The following SLC39A14 variants were observed in gnomAD, a reference collection of about 807,000 sequenced individuals.
SLC39A14 encodes metal cation symporter ZIP14.
Under a neutral mutation model 45.5 loss-of-function variants are expected in SLC39A14, and 19 were observed. The observed-to-expected ratio is 0.42, with a 90% confidence interval of 0.29 to 0.61. The LOEUF (loss-of-function observed/expected upper bound fraction) is 0.61, where lower values mean the gene tolerates loss of function less well. SLC39A14 is among the 20% of genes least tolerant of loss of function. The pLI, the probability that SLC39A14 is intolerant of heterozygous loss-of-function variation, is 0.22. For missense variants in SLC39A14, 447 were observed against 616.5 expected (o/e 0.73, Z 2.91); for synonymous variants, 264 against 251.3 (o/e 1.05, Z -0.48).
At chr8:22,415,709 C>A in intron 5 of SLC39A14, 60 bp from the exon 6 acceptor site, 1 of 1,518,424 alleles carries the variant, frequency 6.6e-7, no homozygotes, top group Non-Finnish European at 9.0e-7. Flanking sequence ...GGAGCAGGTG[C>A]TCAATCAGGT....
intron 1 of SLC39A14, among the ~76,000 whole-genome samples, chr8:22,398,057 G>C (rs1485577572): frequency 1.3e-5 from 2 of 152,078 alleles, no homozygotes; most frequent in African/African-American, 2.4e-5. Context: ...AGACAGCTGC[G>C]GGGACGTCTT....
chr8:22,397,673 C>T (rs930187104), intron 1 of SLC39A14, among the ~76,000 whole-genome samples: 21 of 152,248 alleles, frequency 1.4e-4, no homozygotes, highest in Non-Finnish European at 2.6e-4. Flanking sequence ...TTTTTCCCTA[C>T]GCCTGGGCTC....
At chr8:22,413,490 C>T (rs1256400532) in intron 4 of SLC39A14, among the ~76,000 whole-genome samples, 1 of 152,176 alleles carries the variant, frequency 6.6e-6, no homozygotes, top group Non-Finnish European at 1.5e-5. Flanking sequence ...TTTCACTTCA[C>T]TTTTCCCCCA....
rs188163528 is a variant in SLC39A14, at chr8:22,422,718, T to C, written c.*3020T>C. The C allele has an allele frequency of 8.9e-4, 877 of 985,306 alleles. No individual in the cohort carries two copies. Among genetic ancestry groups the C allele is most frequent in the Non-Finnish European group, 9.9e-4 (825 of 829,784 alleles). The allele number at this position is 985,306 out of a possible 1,614,324, so 61.0% of individuals were successfully genotyped here. On this transcript the variant is annotated 3_prime_UTR_variant, in exon 9 of 9. Transcript: ENST00000381237. ...GGTGATCATTTGCAATAAATGTGGA[T>C]GTAATGAAGGCTGTTGAACACAAGG...
downstream of SLC39A14, among the ~76,000 whole-genome samples, chr8:22,424,499 C>G (rs1836348938): frequency 6.6e-6 from 1 of 152,186 alleles, no homozygotes; most frequent in African/African-American, 2.4e-5. Context: ...TACCTCACTA[C>G]TACGCCATTT....
intron 1 of SLC39A14, among the ~76,000 whole-genome samples, chr8:22,382,675 T>C (rs1308108337): frequency 1.3e-5 from 2 of 152,094 alleles, no homozygotes; most frequent in African/African-American, 2.4e-5. Context: ...CCTGACTCTA[T>C]TTAAAAAAAT....
At chr8:22,431,410 G>A (rs557059194) in intron 8 of SLC39A14, among the ~76,000 whole-genome samples, 1 of 152,270 alleles carries the variant, frequency 6.6e-6, no homozygotes, top group African/African-American at 2.4e-5. Flanking sequence ...TCTCTTACCT[G>A]CATTTAACAC....
intron 1 of SLC39A14, among the ~76,000 whole-genome samples, chr8:22,368,771 C>T (rs1312487242): frequency 6.6e-6 from 1 of 151,980 alleles, no homozygotes; most frequent in African/African-American, 2.4e-5. Context: ...CTCCTGACCT[C>T]GTGATCCGCC....
At chr8:22,379,853 C>T (rs1214949927) in intron 1 of SLC39A14, among the ~76,000 whole-genome samples, 5 of 147,076 alleles carry the variant, frequency 3.4e-5, no homozygotes, top group East Asian at 4.1e-4. Context: ...CCCTTGAACC[C>T]GGGAGGCAGA....
At chr8:22,381,045 C>T (rs1833480673) in intron 1 of SLC39A14, among the ~76,000 whole-genome samples, 1 of 151,954 alleles carries the variant, frequency 6.6e-6, no homozygotes, top group Admixed American at 6.6e-5. Context: ...GCAATCTTGG[C>T]TCACCACAAC....
chr8:22,369,776 A>G (rs1439546426), intron 1 of SLC39A14, among the ~76,000 whole-genome samples: 1 of 152,158 alleles, frequency 6.6e-6, no homozygotes, highest in Admixed American at 6.5e-5. Context: ...TGCCTGGAAC[A>G]TAGTAGAGGG....
intron 1 of SLC39A14, among the ~76,000 whole-genome samples, chr8:22,404,222 G>A (rs957910580): frequency 6.6e-6 from 1 of 151,996 alleles, no homozygotes; most frequent in African/African-American, 2.4e-5. Flanking sequence ...TCACGAGTTC[G>A]AGACCAGCCT....
intron 1 of SLC39A14, among the ~76,000 whole-genome samples, chr8:22,370,191 T>C (rs1832853958): frequency 6.6e-6 from 1 of 152,094 alleles, no homozygotes; most frequent in Non-Finnish European, 1.5e-5. Flanking sequence ...TGCGTGTGCG[T>C]GTGTGTAGGG....
chr8:22,396,389 GAGAGAGAGAGAGAGAGAGA>G lies in SLC39A14; in HGVS notation c.-15-8306_-15-8288del, dbSNP rs1563532437. On this transcript the variant is annotated intron_variant, in intron 1 of 8. Coordinates refer to ENST00000381237, the MANE Select transcript of SLC39A14 (RefSeq NM_001128431.4). ...CTTAAAAAATAAATAAATAAATAGAGAGAGAGAGAGAGAGAGAGAGAGAGGGGGGGGGGAGAGAGAGAGA... is the reference window on the plus strand; with the variant it reads ...CTTAAAAAATAAATAAATAAATAGAGGAGAGGGGGGGGGGAGAGAGAGAGA... 1.1e-3 allele frequency among the ~76,000 whole-genome samples: 7 copies of G among 6,100 alleles called. No individual in the cohort carries two copies. The African/African-American group carries it at 0.014, about 12-fold the overall frequency. The allele number at this position is 6,100 out of a possible 152,430, so 4.0% of individuals were successfully genotyped here. A position where few individuals can be genotyped will look rare whatever the true frequency, so the allele number is the denominator to read the frequency against.
chr8:22,414,186 G>C (rs1835742115), intron 4 of SLC39A14, among the ~76,000 whole-genome samples: 1 of 152,092 alleles, frequency 6.6e-6, no homozygotes. Flanking sequence ...TCTTTGATAA[G>C]TGACAGTTTC....
chr8:22,368,534 T>TTATTG (rs1197490310), intron 1 of SLC39A14, among the ~76,000 whole-genome samples: 8 of 27,186 alleles, frequency 2.9e-4, no homozygotes, highest in Non-Finnish European at 3.6e-4. Flanking sequence ...TTATTTTATT[T>TTATTG]TATTGTATTT....
intron 8 of SLC39A14, among the ~76,000 whole-genome samples, chr8:22,429,224 A>T (rs1217037814): frequency 1.3e-5 from 2 of 152,160 alleles, no homozygotes; most frequent in African/African-American, 4.8e-5. Flanking sequence ...GTGAGCCAAG[A>T]TCTCACCACT....
At chr8:22,423,564 T>C (rs1836325501), downstream of SLC39A14, among the ~76,000 whole-genome samples, 1 of 152,138 alleles carries the variant, frequency 6.6e-6, no homozygotes, top group Non-Finnish European at 1.5e-5. Context: ...CTCGATCTCC[T>C]GACCTCGTGA....
At chr8:22,408,222 C>T (rs1835340985) in intron 2 of SLC39A14, 88 bp from the exon 3 acceptor site, 2 of 1,198,294 alleles carry the variant, frequency 1.7e-6, no homozygotes, top group East Asian at 4.7e-5. Flanking sequence ...TCTCTTTTTC[C>T]TCTGGGAAGG....
Sources: gnomAD v4.1 joint callset for allele counts (sites outside exome capture counted in the v4.1 genomes callset) on GRCh38, gnomAD v4.1.1 for gene constraint, MANE v1.5 for transcripts, NCBI Gene and HGNC (gene_info 2026-07-23, HGNC 2026-07-21) for gene names.